PIBF1: variants seen among roughly 807,000 people sequenced by gnomAD.
The protein encoded by PIBF1 is progesterone-induced-blocking factor 1.
In PIBF1, 90 loss-of-function variants were observed where a neutral mutation model predicts 112.5. The ratio of observed to expected loss-of-function variants is 0.80; its 90% CI spans 0.67 to 0.95. The LOEUF (loss-of-function observed/expected upper bound fraction) is 0.95. Among genes scored for constraint, PIBF1 ranks in the 40% least tolerant of loss-of-function variants. The pLI is 0.00. For missense variants in PIBF1, 915 were observed against 852.3 expected (o/e 1.07, Z -0.92); for synonymous variants, 301 against 288.6 (o/e 1.04, Z -0.44).
rs373216671 is a variant in PIBF1 at position 73,010,665 on chromosome 13, A to G, written c.2224-5204A>G. Among the ~76,000 whole-genome samples the G allele has an allele frequency of 1.3e-4, 19 of 151,988 alleles. No homozygotes were observed. In the East Asian group the frequency reaches 2.3e-3, roughly 19 times the overall value. Reference sequence around the variant, plus strand: ...TTCTTCTATGACCAAGAATAGTGACAGCCCTAGACTTTTAGCTGGCTCACC... The same window carrying G: ...TTCTTCTATGACCAAGAATAGTGACGGCCCTAGACTTTTAGCTGGCTCACC... On this transcript the variant is annotated intron_variant, in intron 17 of 17. Coordinates refer to ENST00000326291, the MANE Select transcript of PIBF1 (RefSeq NM_006346.4).
At chr13:72,841,176 G>A (rs1594026124) in intron 9 of PIBF1, among the ~76,000 whole-genome samples, 1 of 152,184 alleles carries the variant, frequency 6.6e-6, no homozygotes, top group East Asian at 1.9e-4. Context: ...TGTGAATTAA[G>A]CTTTTTTGTC....
intron 14 of PIBF1, among the ~76,000 whole-genome samples, chr13:72,938,800 T>C (rs1253800927): frequency 6.6e-6 from 1 of 152,202 alleles, no homozygotes; most frequent in Non-Finnish European, 1.5e-5. Context: ...ATTTCAGGGG[T>C]TCCAATTTTT....
chr13:72,907,038 A>G (rs566350712), intron 11 of PIBF1, among the ~76,000 whole-genome samples: 86 of 152,130 alleles, frequency 5.7e-4, no homozygotes, highest in Non-Finnish European at 1.1e-3. Context: ...ACACATTCCC[A>G]ACAAGCAAGA....
At chr13:72,861,801 A>G (rs1166102670) in intron 10 of PIBF1, among the ~76,000 whole-genome samples, 1 of 152,176 alleles carries the variant, frequency 6.6e-6, no homozygotes, top group Non-Finnish European at 1.5e-5. Context: ...CCTGACCTCA[A>G]GTGATCAGAA....
rs190640203 is a variant in PIBF1, at chr13:72,857,121, T to C, written c.1322+2966T>C. Among the ~76,000 whole-genome samples the C allele has an allele frequency of 3.7e-3, 556 of 152,276 alleles. 3 individuals carry two copies. The highest frequency in any genetic ancestry group is 0.012 in the African/African-American group (512 of 41,568). On this transcript the variant is annotated intron_variant, in intron 10 of 17. Coordinates refer to ENST00000326291, the MANE Select transcript of PIBF1 (RefSeq NM_006346.4). ...CCAGACAAATAAGTTCTGTGGCTTA[T>C]ATGGAAAAATTAAGTAAGTGCATTT...
chr13:72,899,959 C>A (rs555545923), intron 11 of PIBF1, among the ~76,000 whole-genome samples: 2 of 152,160 alleles, frequency 1.3e-5, no homozygotes, highest in African/African-American at 4.8e-5. Context: ...TATACACCAA[C>A]AGCGACCAGG....
chr13:72,782,669 A>C (rs900554063), intron 1 of PIBF1, among the ~76,000 whole-genome samples: 38 of 152,190 alleles, frequency 2.5e-4, no homozygotes, highest in African/African-American at 8.4e-4. Context: ...AGTTGCTAAC[A>C]TTCTTATGAG....
intron 2 of PIBF1, among the ~76,000 whole-genome samples, chr13:72,790,465 T>G (rs868376558): frequency 1.3e-5 from 1 of 78,620 alleles, no homozygotes; most frequent in Non-Finnish European, 2.8e-5. Flanking sequence ...ACACACACAC[T>G]TATAGATAGA....
chr13:72,979,522 A>T (rs764475391), intron 16 of PIBF1, among the ~76,000 whole-genome samples: 12 of 152,148 alleles, frequency 7.9e-5, no homozygotes, highest in Admixed American at 2.6e-4. Context: ...AGTGGGAAGA[A>T]CACCTCTTAG....
At chr13:72,833,914 C>T (rs547981239) in intron 8 of PIBF1, among the ~76,000 whole-genome samples, 33 of 152,284 alleles carry the variant, frequency 2.2e-4, no homozygotes, top group Admixed American at 3.9e-4. Flanking sequence ...ATTTTATTTT[C>T]TTACACAATA....
intron 14 of PIBF1, among the ~76,000 whole-genome samples, chr13:72,933,296 G>A (rs1047903946): frequency 7.9e-5 from 12 of 152,168 alleles, no homozygotes; most frequent in East Asian, 1.9e-4. Context: ...CAGCACTTTC[G>A]GAGGCCAAGG....
At chr13:72,993,813 C>A (rs1337792660) in intron 16 of PIBF1, among the ~76,000 whole-genome samples, 2 of 150,910 alleles carry the variant, frequency 1.3e-5, no homozygotes, top group East Asian at 3.9e-4. Context: ...GAAGACAGAG[C>A]AGTAATACCA....
At chr13:72,812,176 C>G (rs1000483818) in intron 5 of PIBF1, among the ~76,000 whole-genome samples, 3 of 152,128 alleles carry the variant, frequency 2.0e-5, no homozygotes, top group Non-Finnish European at 2.9e-5. Flanking sequence ...TCCAGAGATA[C>G]CATGATAACT....
At chr13:72,932,464 A>G (rs1566464027) in intron 14 of PIBF1, among the ~76,000 whole-genome samples, 1 of 152,180 alleles carries the variant, frequency 6.6e-6, no homozygotes, top group Non-Finnish European at 1.5e-5. Flanking sequence ...AGTTCCTGAC[A>G]CATAGTTAAT....
At chr13:72,810,011 A>G (rs1219979251) in intron 5 of PIBF1, among the ~76,000 whole-genome samples, 2 of 152,186 alleles carry the variant, frequency 1.3e-5, no homozygotes, top group African/African-American at 4.8e-5. Context: ...TAACATCTAG[A>G]TACTATTATA....
intron 10 of PIBF1, among the ~76,000 whole-genome samples, chr13:72,876,901 C>G (rs1000397025): frequency 7.2e-5 from 11 of 152,100 alleles, no homozygotes; most frequent in African/African-American, 2.7e-4. Context: ...AATCTATATA[C>G]TTTTTCTTTT....
intron 10 of PIBF1, among the ~76,000 whole-genome samples, chr13:72,885,079 A>G (rs1247833366): frequency 2.0e-5 from 3 of 150,058 alleles, no homozygotes; most frequent in African/African-American, 7.6e-5. Context: ...TACAGAACTC[A>G]GATAGAGCCT....
At chr13:72,860,948 A>G (rs1273129732) in intron 10 of PIBF1, among the ~76,000 whole-genome samples, 1 of 152,046 alleles carries the variant, frequency 6.6e-6, no homozygotes, top group African/African-American at 2.4e-5. Context: ...CCCTGCATGT[A>G]CTCCTAAGAT....
At chr13:72,997,509 A>G (rs556543910) in intron 16 of PIBF1, among the ~76,000 whole-genome samples, 1 of 152,308 alleles carries the variant, frequency 6.6e-6, no homozygotes, top group South Asian at 2.1e-4. Flanking sequence ...ATTTCTTCTG[A>G]CACGTCTCGC....
Sources: allele counts gnomAD v4.1 joint callset (sites outside exome capture counted in the v4.1 genomes callset), GRCh38; gene constraint gnomAD v4.1.1; transcripts MANE v1.5; gene names NCBI Gene and HGNC (gene_info 2026-07-23, HGNC 2026-07-21).